Variants in TCAIM observed in about 807,000 individuals in gnomAD.
The protein encoded by TCAIM is T cell activation inhibitor, mitochondrial.
In TCAIM, 36 loss-of-function variants were observed where a neutral mutation model predicts 58.6. That is an observed-to-expected ratio of 0.61 (90% CI 0.47 to 0.81). The LOEUF is 0.81. Among genes scored for constraint, TCAIM ranks in the 30% least tolerant of loss-of-function variants. The pLI is 0.00. For synonymous variants in TCAIM, 172 were observed against 193.6 expected, an observed-to-expected ratio of 0.89 and a Z score of 0.93; for missense variants, 466 against 579.6, an observed-to-expected ratio of 0.80 and a Z score of 2.01.
chr3:44,407,700 T>C lies in TCAIM; in HGVS notation c.*18T>C. ...TTAAGTAACACAGAAATCTGTTTTA[T>C]TTTTTTAAGAGATAAGAAAGGAACT... On this transcript the variant is annotated 3_prime_UTR_variant, in exon 11 of 11. Coordinates refer to ENST00000342649, the MANE Select transcript of TCAIM (RefSeq NM_173826.4). 6.4e-7 allele frequency: 1 copy of C among 1,556,284 alleles called. No homozygotes were observed. Among genetic ancestry groups the C allele is most frequent in the Non-Finnish European group, 8.6e-7 (1 of 1,156,494 alleles).
At chr3:44,390,694 G>A (rs1227876619) in intron 5 of TCAIM, among the ~76,000 whole-genome samples, 1 of 152,116 alleles carries the variant, frequency 6.6e-6, no homozygotes, top group Non-Finnish European at 1.5e-5. Context: ...AAAATGGCCA[G>A]GCATGGTGGC....
chr3:44,383,083 A>G (rs1316612550), intron 5 of TCAIM, among the ~76,000 whole-genome samples: 1 of 152,208 alleles, frequency 6.6e-6, no homozygotes, highest in African/African-American at 2.4e-5. Context: ...CAAAAACCAA[A>G]ATAACAAGAG....
chr3:44,356,202 C>T (rs1701186857), intron 2 of TCAIM, among the ~76,000 whole-genome samples: 2 of 152,124 alleles, frequency 1.3e-5, no homozygotes, highest in South Asian at 4.1e-4. Context: ...AGAACAAAAG[C>T]ATGTGCAATG....
At chr3:44,349,440 C>T (rs892656142) in intron 1 of TCAIM, among the ~76,000 whole-genome samples, 1 of 152,050 alleles carries the variant, frequency 6.6e-6, no homozygotes, top group Admixed American at 6.6e-5. Context: ...TTCTTGAGAA[C>T]ACAGGCTAAG....
At chr3:44,361,323 T>C in intron 3 of TCAIM, 42 bp from the exon 4 acceptor site, 2 of 1,501,642 alleles carry the variant, frequency 1.3e-6, no homozygotes, top group Non-Finnish European at 1.8e-6. Flanking sequence ...GATATTTCCT[T>C]GTTCTATTTT....
At chr3:44,374,367 C>G (rs909836355) in intron 5 of TCAIM, among the ~76,000 whole-genome samples, 1 of 150,360 alleles carries the variant, frequency 6.7e-6, no homozygotes, top group Non-Finnish European at 1.5e-5. Context: ...CAAAATACTT[C>G]GTTTAGTTAC....
intron 6 of TCAIM, among the ~76,000 whole-genome samples, chr3:44,395,096 A>T (rs568817770): frequency 2.9e-4 from 44 of 150,638 alleles, no homozygotes; most frequent in African/African-American, 1.0e-3. Flanking sequence ...GCAAACAGAA[A>T]CATTAACTAA....
intron 5 of TCAIM, among the ~76,000 whole-genome samples, chr3:44,376,094 C>T (rs1190946044): frequency 6.6e-6 from 1 of 152,164 alleles, no homozygotes; most frequent in African/African-American, 2.4e-5. Context: ...CTGTGTGATT[C>T]CATTTTATGT....
intron 4 of TCAIM, chr3:44,363,156 A>G (rs968380735): frequency 6.6e-6 from 1 of 152,248 alleles, no homozygotes; most frequent in African/African-American, 2.4e-5. Flanking sequence ...CATGGAGTTA[A>G]AGAGTAAACT....
intron 4 of TCAIM, among the ~76,000 whole-genome samples, chr3:44,362,179 T>G (rs1342636846): frequency 6.6e-6 from 1 of 152,234 alleles, no homozygotes; most frequent in African/African-American, 2.4e-5. Flanking sequence ...CTGAGTGCTT[T>G]CTGTGAGTTA....
At chr3:44,350,467 CTG>C (rs1330830617) in intron 1 of TCAIM, among the ~76,000 whole-genome samples, 1 of 151,334 alleles carries the variant, frequency 6.6e-6, no homozygotes, top group African/African-American at 2.4e-5. Context: ...GGGTCTTGCT[CTG>C]TCTCCCAGGC....
intron 5 of TCAIM, among the ~76,000 whole-genome samples, chr3:44,377,543 A>G (rs1350836248): frequency 6.6e-6 from 1 of 152,198 alleles, no homozygotes; most frequent in Non-Finnish European, 1.5e-5. Context: ...CATATACAAG[A>G]CACTGTACCT....
At chr3:44,365,254 T>A (rs1701355524) in intron 4 of TCAIM, among the ~76,000 whole-genome samples, 1 of 152,214 alleles carries the variant, frequency 6.6e-6, no homozygotes, top group East Asian at 1.9e-4. Flanking sequence ...ATGTTCTGGA[T>A]CTCATAAGTT....
intron 1 of TCAIM, among the ~76,000 whole-genome samples, chr3:44,352,982 C>G (rs1053431096): frequency 7.0e-6 from 1 of 142,788 alleles, no homozygotes; most frequent in Non-Finnish European, 1.5e-5. Context: ...AGTGCAAAGA[C>G]GCGATCTCGG....
At position 44,398,028 on chromosome 3, in the gene TCAIM, AAAC is replaced by A. The variant is rs749351895; in HGVS notation, c.885+1198_885+1200del. Among the ~76,000 whole-genome samples, 363 of 152,154 alleles carry A rather than the reference AAAC, an allele frequency of 2.4e-3. 4 individuals carry two copies. The highest frequency in any genetic ancestry group is 1.5e-3 in the Non-Finnish European group (100 of 68,002). On this transcript the variant is annotated intron_variant, in intron 8 of 10. Coordinates refer to ENST00000342649, the MANE Select transcript of TCAIM (RefSeq NM_173826.4). ...CTCTCAAAATTCAGCAGAAAAAAAA[AAAC>A]AACTAAAAAGGGCTACTAGAAAAAC...
intron 1 of TCAIM, chr3:44,341,245 A>G (rs1700849614): frequency 6.6e-6 from 1 of 152,138 alleles, no homozygotes; most frequent in Non-Finnish European, 1.5e-5. Context: ...ATGACCCAGA[A>G]CACTGTCTTT....
In TCAIM at chr3:44,367,811, G is replaced by GT. The variant is rs571862774; in HGVS notation, c.572+105dup. 5,926 of 1,190,224 alleles carry GT rather than the reference G, an allele frequency of 5.0e-3. 27 individuals are homozygous for GT. Among genetic ancestry groups the GT allele is most frequent in the Middle Eastern group, 0.013 (45 of 3,440 alleles). 73.7% of individuals were successfully genotyped at this position (1,190,224 alleles called of 1,614,324 possible). On this transcript the variant is annotated intron_variant, in intron 5 of 10. Coordinates refer to ENST00000342649, the MANE Select transcript of TCAIM (RefSeq NM_173826.4). ...CATTTTTTTATAAATAAAAAGTGTA[G>GT]TTCACATTTAAAATTAAAACCTAAT...
chr3:44,366,013 AAG>A lies in TCAIM; in HGVS notation c.320-1440_320-1439del, dbSNP rs570351289. Among the ~76,000 whole-genome samples, 12 of 152,342 alleles carry A rather than the reference AAG, an allele frequency of 7.9e-5. No individual in the cohort carries two copies. In the South Asian group the frequency reaches 2.5e-3, roughly 32 times the overall value. On this transcript the variant is annotated intron_variant, in intron 4 of 10. Coordinates refer to ENST00000342649, the MANE Select transcript of TCAIM (RefSeq NM_173826.4). ...TTAAGAATAGTTTTTTAAAAAAGCGAAGAGTCAGCATGTTGTAGTGGAGAAAA... is the reference window on the plus strand; with the variant it reads ...TTAAGAATAGTTTTTTAAAAAAGCGAAGTCAGCATGTTGTAGTGGAGAAAA...
intron 1 of TCAIM, among the ~76,000 whole-genome samples, chr3:44,352,846 C>T (rs1170668633): frequency 1.7e-4 from 26 of 151,956 alleles, no homozygotes. Context: ...TCTTGCCTTT[C>T]CCAGACTGCT....
Sources: allele counts gnomAD v4.1 joint callset (sites outside exome capture counted in the v4.1 genomes callset), GRCh38; gene constraint gnomAD v4.1.1; transcripts MANE v1.5; gene names NCBI Gene and HGNC (gene_info 2026-07-23, HGNC 2026-07-21).